KAT8: variants seen among roughly 807,000 people sequenced by gnomAD.
KAT8 encodes the protein lysine acetyltransferase 8.
KAT8 carries 40 observed loss-of-function variants against 62.9 expected under a neutral mutation model. That is an observed-to-expected ratio of 0.64 (90% CI 0.49 to 0.83). The LOEUF (loss-of-function observed/expected upper bound fraction) is 0.83. KAT8 is among the 40% of genes least tolerant of loss of function. KAT8 has a pLI of 0.00. For missense variants in KAT8, 387 were observed against 614.8 expected, an observed-to-expected ratio of 0.63 and a Z score of 3.92; for synonymous variants, 278 against 254.5, an observed-to-expected ratio of 1.09 and a Z score of -0.88.
chr16:31,122,665 G>T (rs1262663237), intron 3 of KAT8: 2 of 151,064 alleles, frequency 1.3e-5, no homozygotes, highest in African/African-American at 2.4e-5. Context: ...GGATCACCAG[G>T]TCAGAAGATC....
intron 3 of KAT8, chr16:31,126,293 A>G (rs547071012): frequency 6.6e-6 from 1 of 152,454 alleles, no homozygotes; most frequent in East Asian, 1.9e-4. Flanking sequence ...GCGGCCTAGT[A>G]AATTGTCCAG....
chr16:31,117,694 G>A lies in KAT8; in HGVS notation c.13G>A (p.Gly5Arg), dbSNP rs2057457548. The stretch of plus-strand genomic sequence containing the variant: ...TTCCCTTCCCGCGATGGCGGCACAG[G>A]GAGCTGCTGCGGCGGTTGCGGCGGG... MAAQ[G>R]AAAAVAAGTS... The change falls in exon 1 of 11, where the codon GGA becomes AGA. Residue 5 changes from glycine to arginine, a missense_variant. Around this residue, in one of 6 missense-constraint regions of KAT8, gnomAD observed 92 missense variants for 78.8 expected, o/e 1.17. Transcript: ENST00000219797. 2.9e-6 allele frequency: 4 copies of A among 1,397,954 alleles called. No homozygotes were observed. Among genetic ancestry groups the A allele is most frequent in the Non-Finnish European group, 3.7e-6 (4 of 1,071,096 alleles). 86.6% of individuals were successfully genotyped at this position (1,397,954 alleles called of 1,614,324 possible). A position where few individuals can be genotyped will look rare whatever the true frequency, so the allele number is the denominator to read the frequency against.
intron 1 of KAT8, chr16:31,118,119 G>T (rs776127484): frequency 8.3e-5 from 33 of 399,072 alleles, no homozygotes; most frequent in Non-Finnish European, 1.3e-4. Flanking sequence ...CAAACCCACC[G>T]CTCAGGCCTT....
chr16:31,130,236 C>T, intron 7 of KAT8, 31 bp from the exon 8 acceptor site: 12 of 1,612,974 alleles, frequency 7.4e-6, no homozygotes, highest in Admixed American at 1.7e-5. Context: ...GCAGAGCCTC[C>T]CCAGCGGCCC....
chr16:31,122,165 G>A (rs1441742633), intron 3 of KAT8: 1 of 152,214 alleles, frequency 6.6e-6, no homozygotes, highest in African/African-American at 2.4e-5. Flanking sequence ...TCATCCTTCT[G>A]AGTACATGAG....
rs539043638 is a variant in KAT8, at chr16:31,120,268, G to T, written c.286+8G>T. The T allele has an allele frequency of 5.6e-6, 9 of 1,614,132 alleles. No homozygotes were observed. The highest frequency in any genetic ancestry group is 1.7e-4 in the Middle Eastern group (1 of 6,060). On this transcript the variant is annotated splice_region_variant and intron_variant, in intron 2 of 10. Coordinates refer to ENST00000219797, the MANE Select transcript of KAT8 (RefSeq NM_032188.3). Reference sequence around the variant, plus strand: ...ATGTACACTACGTGGGCTGTGAGTGGCTTGGCACATCTGGGCGTGGGTGCA... The same window carrying T: ...ATGTACACTACGTGGGCTGTGAGTGTCTTGGCACATCTGGGCGTGGGTGCA...
In KAT8 at chr16:31,130,314, GC is replaced by G; in HGVS notation, c.966del (p.Tyr323ThrfsTer48). 2 of 1,614,162 alleles carry G rather than the reference GC, an allele frequency of 1.2e-6. No homozygotes were observed. The highest frequency in any genetic ancestry group is 1.7e-6 in the Non-Finnish European group (2 of 1,180,024). On this transcript the variant is annotated frameshift_variant, in exon 8 of 11. Transcript: ENST00000219797. LOFTEE classifies it high-confidence loss of function. ...GNNVACILTL[P>X]PYQRRGYGKF... is the part of the protein sequence containing the mutation. ...ACAATGTGGCCTGCATCCTGACCTT[GC>G]CCCCCTACCAACGCCGCGGCTACGG...
chr16:31,130,302 C>T lies in KAT8; in HGVS notation c.948C>T (p.Cys316=), dbSNP rs763831837. Residue 316 remains cysteine, a synonymous_variant, in exon 8 of 11, where the codon TGC becomes TGT. Transcript: ENST00000219797. ...KESPDGNNVA[C]ILTLPPYQRR... ...CCCCGGATGGAAACAATGTGGCCTGCATCCTGACCTTGCCCCCCTACCAAC... is the reference window on the plus strand; with the variant it reads ...CCCCGGATGGAAACAATGTGGCCTGTATCCTGACCTTGCCCCCCTACCAAC... 1.2e-6 allele frequency: 2 copies of T among 1,614,198 alleles called. No homozygotes were observed. The highest frequency in any genetic ancestry group is 1.1e-5 in the South Asian group (1 of 91,084).
Position 31,120,169 on chromosome 16 carries a change from GC to G in KAT8, c.212-15del, listed in dbSNP as rs3214477. Reference sequence around the variant, plus strand: ...CAGCCTTACCTTCCTGATGACCCTAGCCTTTTTCCATCACAGATTCTGCTGA... The same window carrying G: ...CAGCCTTACCTTCCTGATGACCCTAGCTTTTTCCATCACAGATTCTGCTGA... On this transcript the variant is annotated splice_polypyrimidine_tract_variant and intron_variant, in intron 1 of 10. Transcript: ENST00000219797. The G allele has an allele frequency of 2.6e-4, 421 of 1,611,982 alleles. 1 individual carries two copies. The East Asian group carries it at 9.0e-3, about 34-fold the overall frequency.
At chr16:31,117,924 C>A in intron 1 of KAT8, 32 bp downstream of exon 1, 1 of 758,542 alleles carries the variant, frequency 1.3e-6, no homozygotes, top group Non-Finnish European at 1.7e-6. Flanking sequence ...GGGGGCGGGG[C>A]GGAGCTCAGG....
At chr16:31,117,952 G>T in intron 1 of KAT8, 60 bp downstream of exon 1, 1 of 1,215,756 alleles carries the variant, frequency 8.2e-7, no homozygotes, top group Non-Finnish European at 1.1e-6. Flanking sequence ...GGTGGGGCGG[G>T]GCCTGAGGAC....
chr16:31,128,476 C>CA (rs1268965564), intron 6 of KAT8, among the ~76,000 whole-genome samples: 1 of 151,876 alleles, frequency 6.6e-6, no homozygotes, highest in Non-Finnish European at 1.5e-5. Flanking sequence ...ACCTGGGAGG[C>CA]AGAGGTTGCA....
chr16:31,129,608 C>T (rs901650370), intron 6 of KAT8, among the ~76,000 whole-genome samples: 1 of 152,284 alleles, frequency 6.6e-6, no homozygotes, highest in African/African-American at 2.4e-5. Context: ...ATTCAGCAGA[C>T]GTTTACCAGG....
At chr16:31,128,593 C>T (rs1023219368) in intron 6 of KAT8, among the ~76,000 whole-genome samples, 2 of 152,114 alleles carry the variant, frequency 1.3e-5, no homozygotes, top group African/African-American at 2.4e-5. Context: ...GGCACTAGGC[C>T]TGTAGTTGGT....
At chr16:31,122,805 C>T (rs944520929) in intron 3 of KAT8, among the ~76,000 whole-genome samples, 3 of 151,064 alleles carry the variant, frequency 2.0e-5, no homozygotes, top group East Asian at 3.9e-4. Context: ...GGCGTGAACC[C>T]GGGAGGTGGA....
chr16:31,123,527 GAC>G (rs2057512816), intron 3 of KAT8: 1 of 151,024 alleles, frequency 6.6e-6, no homozygotes, highest in South Asian at 2.1e-4. Flanking sequence ...CATTTTTTGA[GAC>G]AGAGTCTCAC....
At chr16:31,128,650 G>A (rs961819616) in intron 6 of KAT8, among the ~76,000 whole-genome samples, 1 of 152,220 alleles carries the variant, frequency 6.6e-6, no homozygotes, top group Non-Finnish European at 1.5e-5. Flanking sequence ...CTCTTCTGCT[G>A]GTGGGGTTAG....
At chr16:31,121,086 TG>T (rs2057489645) in intron 3 of KAT8, 3 of 924 alleles carry the variant, frequency 3.2e-3, no homozygotes, top group African/African-American at 4.7e-3. Flanking sequence ...AAATGGTTTT[TG>T]TGTGTGTGTG....
Position 31,120,846 on chromosome 16 carries a change from T to C in KAT8, c.462+332T>C, listed in dbSNP as rs75494113. 1,917 of 261,374 alleles carry C rather than the reference T, an allele frequency of 7.3e-3. 43 individuals carry two copies. Among genetic ancestry groups the C allele is most frequent in the African/African-American group, 0.037 (1,731 of 46,166 alleles). 16.2% of individuals were successfully genotyped at this position (261,374 alleles called of 1,614,324 possible). On this transcript the variant is annotated intron_variant, in intron 3 of 10. Transcript: ENST00000219797. Reference sequence around the variant, plus strand: ...TTCAGTGGGAAAGACGAGAATGTTATTCGGCAGTTGCTATAGCCAAGCACC... The same window carrying C: ...TTCAGTGGGAAAGACGAGAATGTTACTCGGCAGTTGCTATAGCCAAGCACC...
Sources: gnomAD v4.1 joint callset for allele counts (sites outside exome capture counted in the v4.1 genomes callset) on GRCh38, gnomAD v4.1.1 for gene constraint, gnomAD v4.1.1 regional missense constraint, MANE v1.5 for transcripts, NCBI Gene and HGNC (gene_info 2026-07-23, HGNC 2026-07-21) for gene names.